The following TMEM132D variants were observed in gnomAD, a reference collection of about 807,000 sequenced individuals.
The protein encoded by TMEM132D is mature OL transmembrane protein.
In TMEM132D, 21 loss-of-function variants were observed where a neutral mutation model predicts 62.3. The observed-to-expected ratio is 0.34, with a 90% CI of 0.24 to 0.49. TMEM132D has a LOEUF of 0.49. Ranked by LOEUF, TMEM132D falls within the 20% of genes least tolerant of loss-of-function variation. TMEM132D has a pLI of 0.99. For synonymous variants in TMEM132D, 621 were observed against 575.6 expected (o/e 1.08, Z -1.13); for missense variants, 1,346 against 1,402.8 (o/e 0.96, Z 0.65).
chr12:129,233,281 G>A (rs1047721131), intron 4 of TMEM132D, among the ~76,000 whole-genome samples: 2 of 152,258 alleles, frequency 1.3e-5, no homozygotes, highest in Admixed American at 6.5e-5. Context: ...TCATCTGCAC[G>A]CAACAGTTCT....
chr12:129,367,668 G>A (rs957820781), intron 3 of TMEM132D, among the ~76,000 whole-genome samples: 1 of 152,084 alleles, frequency 6.6e-6, no homozygotes, highest in African/African-American at 2.4e-5. Flanking sequence ...AAGGCCTGGG[G>A]ACATAATTTG....
At chr12:129,584,543 C>A (rs1003860662) in intron 2 of TMEM132D, among the ~76,000 whole-genome samples, 4 of 152,176 alleles carry the variant, frequency 2.6e-5, no homozygotes, top group African/African-American at 9.7e-5. Context: ...TGGTTCGTGG[C>A]AAGCATGAAG....
intron 3 of TMEM132D, among the ~76,000 whole-genome samples, chr12:129,514,787 C>T (rs1196682806): frequency 1.3e-5 from 2 of 152,304 alleles, no homozygotes; most frequent in African/African-American, 4.8e-5. Context: ...CTCTTGATAG[C>T]TATGATTTGT....
At chr12:129,707,240 G>A (rs1345965234) in intron 1 of TMEM132D, among the ~76,000 whole-genome samples, 1 of 147,442 alleles carries the variant, frequency 6.8e-6, no homozygotes, top group East Asian at 1.9e-4. Context: ...TATAATACAT[G>A]TATATATGTG....
At chr12:129,388,065 G>A (rs78763689) in intron 3 of TMEM132D, among the ~76,000 whole-genome samples, 53 of 71,260 alleles carry the variant, frequency 7.4e-4, no homozygotes, top group Admixed American at 1.1e-3. Context: ...ACTAACACGA[G>A]TCCTAATATA....
intron 1 of TMEM132D, among the ~76,000 whole-genome samples, chr12:129,747,901 A>G (rs1355291851): frequency 6.6e-6 from 1 of 151,956 alleles, no homozygotes; most frequent in Non-Finnish European, 1.5e-5. Flanking sequence ...ACACAGCTGA[A>G]CTCATCTCCC....
At chr12:129,498,047 T>G (rs1875012899) in intron 3 of TMEM132D, among the ~76,000 whole-genome samples, 1 of 152,066 alleles carries the variant, frequency 6.6e-6, no homozygotes, top group Middle Eastern at 3.2e-3. Context: ...CAGTGAAAAT[T>G]AAACAGAAAA....
intron 5 of TMEM132D, among the ~76,000 whole-genome samples, chr12:129,140,996 G>A (rs535207419): frequency 6.6e-6 from 1 of 152,130 alleles, no homozygotes; most frequent in Non-Finnish European, 1.5e-5. Flanking sequence ...TCCAGGTTTT[G>A]GTCATTGGGA....
intron 3 of TMEM132D, among the ~76,000 whole-genome samples, chr12:129,432,315 ATGCT>A (rs796452718): frequency 2.9e-4 from 23 of 80,248 alleles, no homozygotes; most frequent in African/African-American, 6.8e-4. Context: ...GGATGGATGG[ATGCT>A]TGGATGGATG....
rs1463270682 is a variant in TMEM132D, at chr12:129,277,097, C to A, written c.1299+60537G>T. 3.3e-5 allele frequency among the ~76,000 whole-genome samples: 5 copies of A among 152,114 alleles called. No homozygotes were observed. Among genetic ancestry groups the A allele is most frequent in the Admixed American group, 6.5e-5 (1 of 15,274 alleles). Reference sequence around the variant, plus strand: ...GCATAAATGGACGAGCACAAAGGGGCTTAATAATATAAAGGTGAATTTCAG... The same window carrying A: ...GCATAAATGGACGAGCACAAAGGGGATTAATAATATAAAGGTGAATTTCAG... On this transcript the variant is annotated intron_variant, in intron 4 of 8. Transcript: ENST00000422113. The surrounding 1 kb of genome is among the most constrained non-coding windows in gnomAD (Gnocchi z 4.2).
At chr12:129,850,408 T>A (rs1449706415) in intron 1 of TMEM132D, among the ~76,000 whole-genome samples, 1 of 152,094 alleles carries the variant, frequency 6.6e-6, no homozygotes, top group African/African-American at 2.4e-5. Context: ...AGTTCCAAGT[T>A]CACGGGAAAC....
chr12:129,655,395 C>T (rs1051419054), intron 2 of TMEM132D, among the ~76,000 whole-genome samples: 3 of 151,976 alleles, frequency 2.0e-5, no homozygotes, highest in Non-Finnish European at 2.9e-5. Context: ...TACAGACATG[C>T]ACCACCATGC....
intron 1 of TMEM132D, among the ~76,000 whole-genome samples, chr12:129,885,069 C>A (rs1874707135): frequency 6.6e-6 from 1 of 152,088 alleles, no homozygotes; most frequent in Non-Finnish European, 1.5e-5. Flanking sequence ...CTGGAAAAAA[C>A]AAAACTATAG....
At chr12:129,167,707 T>A (rs955361267) in intron 5 of TMEM132D, among the ~76,000 whole-genome samples, 1 of 151,928 alleles carries the variant, frequency 6.6e-6, no homozygotes, top group African/African-American at 2.4e-5. Flanking sequence ...AGCTTAGATC[T>A]AGAGTATGTA....
intron 2 of TMEM132D, among the ~76,000 whole-genome samples, chr12:129,545,215 C>A (rs746761400): frequency 2.0e-5 from 3 of 152,098 alleles, no homozygotes; most frequent in Non-Finnish European, 2.9e-5. Context: ...TACTGCACCA[C>A]GAAGAGGCTG....
chr12:129,386,846 A>C (rs555295440), intron 3 of TMEM132D, among the ~76,000 whole-genome samples: 1 of 152,096 alleles, frequency 6.6e-6, no homozygotes, highest in South Asian at 2.1e-4. Context: ...ACTAACACCA[A>C]CACCGACACC....
At chr12:129,131,532 A>G (rs1876375193) in intron 5 of TMEM132D, among the ~76,000 whole-genome samples, 1 of 152,142 alleles carries the variant, frequency 6.6e-6, no homozygotes, top group African/African-American at 2.4e-5. Flanking sequence ...GCTTGAACGC[A>G]GGAGGTGGAG....
At chr12:129,116,278 T>C (rs1477379557) in intron 5 of TMEM132D, among the ~76,000 whole-genome samples, 8 of 152,146 alleles carry the variant, frequency 5.3e-5, no homozygotes, top group African/African-American at 1.9e-4. Context: ...TAGAGGGAAA[T>C]GATACGTGGT....
chr12:129,216,049 C>G (rs1365000777), intron 4 of TMEM132D, among the ~76,000 whole-genome samples: 2 of 152,190 alleles, frequency 1.3e-5, no homozygotes, highest in Non-Finnish European at 2.9e-5. Flanking sequence ...GGTGGGGACA[C>G]AGCCAAACCA....
Sources: gnomAD v4.1 joint callset for allele counts (sites outside exome capture counted in the v4.1 genomes callset) on GRCh38, gnomAD v4.1.1 for gene constraint, Gnocchi (gnomAD v3.1) non-coding constraint, MANE v1.5 for transcripts, NCBI Gene and HGNC (gene_info 2026-07-23, HGNC 2026-07-21) for gene names.